Variants in UBE3D observed in about 807,000 individuals in gnomAD.
UBE3D encodes the protein ubiquitin protein ligase E3D, also known as E3 ubiquitin-protein ligase E3D.
Under a neutral mutation model 49.6 loss-of-function variants are expected in UBE3D, and 48 were observed. That is an observed-to-expected ratio of 0.97 (90% CI 0.77 to 1.23). UBE3D has a LOEUF of 1.23. UBE3D is among the 50% of genes most tolerant of loss of function. The pLI, the probability that UBE3D is intolerant of heterozygous loss-of-function variation, is 0.00. For synonymous variants in UBE3D, 189 were observed against 174.2 expected, an observed-to-expected ratio of 1.08 and a Z score of -0.67; for missense variants, 452 against 468.4, an observed-to-expected ratio of 0.96 and a Z score of 0.32.
intron 3 of UBE3D, among the ~76,000 whole-genome samples, chr6:83,045,271 A>G (rs1782953750): frequency 6.6e-6 from 1 of 151,734 alleles, no homozygotes; most frequent in Non-Finnish European, 1.5e-5. Flanking sequence ...GTGCCAATCT[A>G]TAATTCTTCC....
chr6:82,898,371 A>T (rs1771484052), intron 9 of UBE3D, among the ~76,000 whole-genome samples: 1 of 152,210 alleles, frequency 6.6e-6, no homozygotes, highest in Admixed American at 6.5e-5. Flanking sequence ...ATAAAGATAC[A>T]TGCACACGTA....
chr6:82,910,644 T>C (rs1477524678), intron 9 of UBE3D, among the ~76,000 whole-genome samples: 1 of 152,226 alleles, frequency 6.6e-6, no homozygotes, highest in Admixed American at 6.5e-5. Flanking sequence ...CAGAGCAGCA[T>C]TCCAGAGGTT....
intron 8 of UBE3D, among the ~76,000 whole-genome samples, chr6:83,003,666 A>G (rs575088199): frequency 6.6e-6 from 1 of 152,324 alleles, no homozygotes. Flanking sequence ...ACATTACTGC[A>G]TTGAATACTG....
chr6:83,057,923 T>G lies in UBE3D; in HGVS notation c.177A>C (p.Ala59=). The G allele has an allele frequency of 3.7e-6, 6 of 1,614,232 alleles. No individual in the cohort carries two copies. Among genetic ancestry groups the G allele is most frequent in the Non-Finnish European group, 5.1e-6 (6 of 1,180,040 alleles). ...AAGAGGAAGGTACAAGCCTGACCTC[T>G]GCTGGAAGCTGGATTTCTGTGCAGC... The part of the protein sequence containing the change: ...PEGCTEIQLP[A]EVRLVPSSCR... The change falls in exon 2 of 10, where the codon GCA becomes GCC. Residue 59 remains alanine, a synonymous_variant. Coordinates refer to ENST00000369747, the MANE Select transcript of UBE3D (RefSeq NM_198920.3).
chr6:82,953,054 G>A lies in UBE3D; in HGVS notation c.1149+4258C>T, dbSNP rs1229834794. ...CTGCCATTGCAGGACTTCAGGTTAA[G>A]AGCTGGTTGCTGCCCAGCAAGATGG... On this transcript the variant is annotated intron_variant, in intron 9 of 9. Transcript: ENST00000369747. Among the ~76,000 whole-genome samples the A allele has an allele frequency of 2.0e-5, 3 of 152,316 alleles. No individual in the cohort carries two copies. The South Asian group carries it at 6.2e-4, about 32-fold the overall frequency.
chr6:82,897,367 G>T (rs969666853), intron 9 of UBE3D, among the ~76,000 whole-genome samples: 4 of 151,976 alleles, frequency 2.6e-5, no homozygotes, highest in Non-Finnish European at 5.9e-5. Flanking sequence ...GAGGTGGGTG[G>T]ATCACCTGAG....
intron 1 of UBE3D, among the ~76,000 whole-genome samples, chr6:83,060,630 C>T (rs533587253): frequency 3.5e-4 from 54 of 152,210 alleles, no homozygotes; most frequent in South Asian, 8.3e-4. Context: ...CTTTAAAAAA[C>T]GAAATGAACA....
At chr6:82,984,315 T>C (rs903285614) in intron 8 of UBE3D, among the ~76,000 whole-genome samples, 2 of 152,198 alleles carry the variant, frequency 1.3e-5, no homozygotes, top group Non-Finnish European at 2.9e-5. Flanking sequence ...TTTGGGTTGT[T>C]TGATTCATTC....
intron 9 of UBE3D, among the ~76,000 whole-genome samples, chr6:82,925,845 A>G (rs549754987): frequency 6.6e-5 from 10 of 152,228 alleles, no homozygotes; most frequent in African/African-American, 2.4e-4. Flanking sequence ...TAAATAAATA[A>G]TATTCCATTC....
intron 9 of UBE3D, among the ~76,000 whole-genome samples, chr6:82,956,285 A>G: frequency 6.6e-6 from 1 of 152,172 alleles, no homozygotes; most frequent in East Asian, 1.9e-4. Context: ...GTATTTTCCC[A>G]TTGTCAAGAG....
chr6:82,880,849 C>A, the UBE3D span, among the ~76,000 whole-genome samples: 2 of 152,262 alleles, frequency 1.3e-5, no homozygotes, highest in African/African-American at 4.8e-5. Flanking sequence ...GCCTGGAAGT[C>A]CAAGAGCAGG....
intron 8 of UBE3D, among the ~76,000 whole-genome samples, chr6:82,989,010 T>C (rs1386382264): frequency 2.0e-5 from 3 of 152,016 alleles, no homozygotes; most frequent in Admixed American, 6.6e-5. Context: ...AGAAAGGAAA[T>C]AGACTAGAAT....
At chr6:83,058,355 G>C (rs1783949094) in intron 1 of UBE3D, among the ~76,000 whole-genome samples, 1 of 152,118 alleles carries the variant, frequency 6.6e-6, no homozygotes, top group Non-Finnish European at 1.5e-5. Context: ...AAGAGACCAA[G>C]ATTCAGTGAA....
chr6:83,053,890 A>T (rs1247085800), intron 3 of UBE3D, among the ~76,000 whole-genome samples: 1 of 152,198 alleles, frequency 6.6e-6, no homozygotes, highest in African/African-American at 2.4e-5. Context: ...TGCTTCAGTG[A>T]TCAGCACAGG....
chr6:83,025,227 C>T (rs1292638935), intron 5 of UBE3D, among the ~76,000 whole-genome samples: 2 of 152,112 alleles, frequency 1.3e-5, no homozygotes, highest in African/African-American at 2.4e-5. Context: ...AACACAGATG[C>T]GGTGAACCTC....
At chr6:82,887,895 G>C (rs1027855832), downstream of UBE3D, among the ~76,000 whole-genome samples, 6 of 152,086 alleles carry the variant, frequency 3.9e-5, no homozygotes, top group Non-Finnish European at 8.8e-5. Context: ...TCAGGAAAGG[G>C]AGCACAGGAG....
intron 9 of UBE3D, among the ~76,000 whole-genome samples, chr6:82,916,172 T>G (rs1437045129): frequency 6.6e-6 from 1 of 152,216 alleles, no homozygotes; most frequent in Non-Finnish European, 1.5e-5. Flanking sequence ...TGAGGTCCTG[T>G]GGCCAGTGTG....
intron 8 of UBE3D, among the ~76,000 whole-genome samples, chr6:82,984,663 GTTCTT>G (rs1462580281): frequency 2.0e-5 from 3 of 152,012 alleles, no homozygotes; most frequent in Admixed American, 6.6e-5. Flanking sequence ...ATGTTTAAGA[GTTCTT>G]TTCATTTCTT....
At chr6:83,025,882 T>TAAAA (rs70987730) in intron 5 of UBE3D, among the ~76,000 whole-genome samples, 2 of 90,312 alleles carry the variant, frequency 2.2e-5, no homozygotes, top group Non-Finnish European at 4.2e-5. Context: ...GACTCCATCT[T>TAAAA]AAAAAAAAAA....
Sources: gnomAD v4.1 joint callset for allele counts (sites outside exome capture counted in the v4.1 genomes callset) on GRCh38, gnomAD v4.1.1 for gene constraint, MANE v1.5 for transcripts, NCBI Gene and HGNC (gene_info 2026-07-23, HGNC 2026-07-21) for gene names.